The following ABI3BP variants were observed in gnomAD, a reference collection of about 807,000 sequenced individuals.
ABI3BP encodes the protein ABI family member 3 binding protein, also known as target of Nesh-SH3.
Under a neutral mutation model 268.6 loss-of-function variants are expected in ABI3BP, and 216 were observed. The ratio of observed to expected loss-of-function variants is 0.80; its 90% CI spans 0.72 to 0.90. ABI3BP has a LOEUF of 0.90. Among genes scored for constraint, ABI3BP ranks in the 40% least tolerant of loss-of-function variants. The pLI, the probability that ABI3BP is intolerant of heterozygous loss-of-function variation, is 0.00. For missense variants in ABI3BP, 2,090 were observed against 2,182.4 expected, an observed-to-expected ratio of 0.96 and a Z score of 0.84; for synonymous variants, 730 against 730.0, an observed-to-expected ratio of 1.00 and a Z score of 0.00.
chr3:100,959,508 A>T (rs1158567487), intron 1 of ABI3BP, among the ~76,000 whole-genome samples: 1 of 151,122 alleles, frequency 6.6e-6, no homozygotes, highest in Non-Finnish European at 1.5e-5. Flanking sequence ...AAAAAAAAAA[A>T]AAAAAAGAAT....
Position 100,787,726 on chromosome 3 carries a change from A to C in ABI3BP, c.4162+2T>G. The C allele has an allele frequency of 6.6e-7, 1 of 1,525,822 alleles. No individual in the cohort carries two copies. Among genetic ancestry groups the C allele is most frequent in the South Asian group, 1.2e-5 (1 of 82,516 alleles). 94.5% of individuals were successfully genotyped at this position (1,525,822 alleles called of 1,614,324 possible). On this transcript the variant is annotated splice_donor_variant, in intron 57 of 67. Transcript: ENST00000471714. LOFTEE classifies it high-confidence loss of function. Reference sequence around the variant, plus strand: ...AAAAGGAAATACATTTGTGATTATTACCTGTTCCCACTCCATTCCCACTGG... The same window carrying C: ...AAAAGGAAATACATTTGTGATTATTCCCTGTTCCCACTCCATTCCCACTGG...
At position 100,884,638 on chromosome 3, in the gene ABI3BP, G is replaced by C. The variant is rs529767574; in HGVS notation, c.696+898C>G. ...ACTCCTTAATTAGACATAAAAAGAT[G>C]TTCAGCCACACACCTCAAGCACACA... On this transcript the variant is annotated intron_variant, in intron 6 of 67. Coordinates refer to ENST00000471714, the MANE Select transcript of ABI3BP (RefSeq NM_001375547.2). Among the ~76,000 whole-genome samples, 20 of 152,076 alleles carry C rather than the reference G, an allele frequency of 1.3e-4. No individual in the cohort carries two copies. The East Asian group carries it at 2.9e-3, about 22-fold the overall frequency.
intron 1 of ABI3BP, among the ~76,000 whole-genome samples, chr3:100,944,159 T>C (rs1335958434): frequency 3.3e-5 from 5 of 152,170 alleles, no homozygotes; most frequent in Admixed American, 3.3e-4. Flanking sequence ...AAGTGTAATA[T>C]TGACTTTCTT....
At chr3:100,842,282 G>C (rs948566357) in intron 20 of ABI3BP, among the ~76,000 whole-genome samples, 7 of 152,174 alleles carry the variant, frequency 4.6e-5, no homozygotes, top group African/African-American at 1.4e-4. Flanking sequence ...TGCCTCTGGT[G>C]CTGAGGAAAT....
chr3:100,980,851 C>T (rs1022871049), intron 1 of ABI3BP, among the ~76,000 whole-genome samples: 3 of 152,168 alleles, frequency 2.0e-5, no homozygotes, highest in African/African-American at 7.2e-5. Flanking sequence ...CATTTGAACT[C>T]AAGATCCAAC....
intron 1 of ABI3BP, among the ~76,000 whole-genome samples, chr3:100,951,045 T>C (rs1210778891): frequency 6.6e-6 from 1 of 151,952 alleles, no homozygotes; most frequent in Non-Finnish European, 1.5e-5. Context: ...AGTAACAAAA[T>C]ATCTATTATT....
chr3:100,884,253 C>A (rs1206509787), intron 6 of ABI3BP, among the ~76,000 whole-genome samples: 4 of 151,100 alleles, frequency 2.6e-5, no homozygotes, highest in Non-Finnish European at 5.9e-5. Flanking sequence ...AAACAAAAAA[C>A]CAACCAAACA....
Position 100,753,933 on chromosome 3 carries a change from C to G in ABI3BP, c.4931-85G>C. The G allele has an allele frequency of 2.2e-6, 3 of 1,365,140 alleles. No individual in the cohort carries two copies. In the African/African-American group the frequency reaches 4.3e-5, roughly 20 times the overall value. The allele number at this position is 1,365,140 out of a possible 1,614,324, so 84.6% of individuals were successfully genotyped here. ...GCATGGTGAAGATGATGGGGGCTTA[C>G]ACTTGTTAAGAAGTCTTATTTGCAA... On this transcript the variant is annotated intron_variant, in intron 64 of 67. Transcript: ENST00000471714.
At chr3:100,909,521 C>T (rs1480282628) in intron 2 of ABI3BP, among the ~76,000 whole-genome samples, 1 of 152,054 alleles carries the variant, frequency 6.6e-6, no homozygotes, top group East Asian at 1.9e-4. Context: ...ATCCATCTGA[C>T]AAAGGGTTAA....
At chr3:100,854,315 C>T (rs182279687) in intron 14 of ABI3BP, among the ~76,000 whole-genome samples, 5 of 152,148 alleles carry the variant, frequency 3.3e-5, no homozygotes, top group Non-Finnish European at 4.4e-5. Flanking sequence ...GCCGAGATCT[C>T]GCCACTGCAC....
intron 14 of ABI3BP, among the ~76,000 whole-genome samples, chr3:100,857,578 T>C (rs1244108170): frequency 6.6e-6 from 1 of 152,196 alleles, no homozygotes; most frequent in Non-Finnish European, 1.5e-5. Context: ...TTATACACCA[T>C]ATCTGGAAGG....
At chr3:100,832,510 T>C (rs1560568163) in intron 30 of ABI3BP, among the ~76,000 whole-genome samples, 160 bp from the exon 31 acceptor site, 1 of 152,176 alleles carries the variant, frequency 6.6e-6, no homozygotes, top group Non-Finnish European at 1.5e-5. Context: ...TAATAGGTTT[T>C]CTTTGATAAC....
intron 9 of ABI3BP, among the ~76,000 whole-genome samples, chr3:100,873,628 T>C (rs1182770809): frequency 2.6e-5 from 4 of 152,216 alleles, no homozygotes; most frequent in Non-Finnish European, 4.4e-5. Context: ...CACGGTGTTT[T>C]CTTGAAATAA....
intron 1 of ABI3BP, among the ~76,000 whole-genome samples, chr3:100,990,522 A>T (rs1299093096): frequency 6.6e-6 from 1 of 150,498 alleles, no homozygotes; most frequent in East Asian, 1.9e-4. Flanking sequence ...GCAAATAGGC[A>T]CACCACATAT....
At chr3:100,843,125 AG>A (rs1435031170) in intron 20 of ABI3BP, among the ~76,000 whole-genome samples, 1 of 152,208 alleles carries the variant, frequency 6.6e-6, no homozygotes, top group African/African-American at 2.4e-5. Flanking sequence ...ATAATAACGC[AG>A]GTACAGAATT....
At chr3:100,940,159 T>C (rs1443743029) in intron 1 of ABI3BP, among the ~76,000 whole-genome samples, 2 of 151,990 alleles carry the variant, frequency 1.3e-5, no homozygotes, top group African/African-American at 4.8e-5. Context: ...AATGCAATTA[T>C]CACATGGTCC....
At chr3:100,941,280 G>A (rs1370867951) in intron 1 of ABI3BP, among the ~76,000 whole-genome samples, 5 of 151,970 alleles carry the variant, frequency 3.3e-5, no homozygotes, top group South Asian at 2.1e-4. Context: ...GCTCCCACAC[G>A]CAACATGTGT....
chr3:100,774,500 T>C, intron 61 of ABI3BP, 105 bp downstream of exon 61: 1 of 828,238 alleles, frequency 1.2e-6, no homozygotes, highest in East Asian at 2.8e-5. Flanking sequence ...CTTATTATTA[T>C]AATAGGCTAC....
chr3:100,770,998 G>A, intron 61 of ABI3BP, 46 bp from the exon 62 acceptor site: 1 of 1,375,768 alleles, frequency 7.3e-7, no homozygotes. Flanking sequence ...TGAAACTCAT[G>A]AAGAAGATAG....
Sources: gnomAD v4.1 joint callset for allele counts (sites outside exome capture counted in the v4.1 genomes callset) on GRCh38, gnomAD v4.1.1 for gene constraint, MANE v1.5 for transcripts, NCBI Gene and HGNC (gene_info 2026-07-23, HGNC 2026-07-21) for gene names.